KIF3A: variants seen among roughly 807,000 people sequenced by gnomAD.
The protein encoded by KIF3A is kinesin-like protein KIF3A.
In KIF3A, 27 loss-of-function variants were observed where a neutral mutation model predicts 92.6. The ratio of observed to expected loss-of-function variants is 0.29; its 90% CI spans 0.21 to 0.40. KIF3A has a LOEUF of 0.40. Among genes scored for constraint, KIF3A ranks in the 10% least tolerant of loss-of-function variants. The pLI, the probability that KIF3A is intolerant of heterozygous loss-of-function variation, is 1.00. For synonymous variants in KIF3A, 250 were observed against 275.4 expected (o/e 0.91, Z 0.92); for missense variants, 581 against 872.6 (o/e 0.67, Z 4.21).
downstream of KIF3A, among the ~76,000 whole-genome samples, chr5:132,690,821 G>A (rs1486693507): frequency 6.8e-6 from 1 of 147,492 alleles, no homozygotes; most frequent in Non-Finnish European, 1.5e-5. Context: ...CAGCTACTCG[G>A]GAGGCTGAGG....
At chr5:132,699,086 CTAAA>C (rs901005037) in intron 18 of KIF3A, 81 bp downstream of exon 18, 17 of 1,324,742 alleles carry the variant, frequency 1.3e-5, no homozygotes, top group Admixed American at 7.8e-5. Context: ...CATGTTTTAA[CTAAA>C]TAAATTTTAA....
At chr5:132,700,465 C>T (rs773095775) in intron 16 of KIF3A, 181 bp from the exon 17 acceptor site, 1 of 649,954 alleles carries the variant, frequency 1.5e-6, no homozygotes, top group Non-Finnish European at 2.7e-6. Flanking sequence ...CATTTCCACC[C>T]AGACCATGAT....
intron 5 of KIF3A, among the ~76,000 whole-genome samples, chr5:132,718,827 C>T (rs1753729445): frequency 6.6e-6 from 1 of 152,060 alleles, no homozygotes; most frequent in Admixed American, 6.6e-5. Context: ...TGGGGTTTCG[C>T]CATGTTGCAC....
intron 5 of KIF3A, among the ~76,000 whole-genome samples, chr5:132,717,504 G>A (rs1753666653): frequency 6.6e-6 from 1 of 151,794 alleles, no homozygotes; most frequent in South Asian, 2.1e-4. Context: ...ACATATGTTA[G>A]ACAATACAAC....
At chr5:132,716,137 A>G (rs1753613319) in intron 7 of KIF3A, 108 bp downstream of exon 7, 4 of 1,039,856 alleles carry the variant, frequency 3.8e-6, no homozygotes, top group South Asian at 1.6e-5. Flanking sequence ...CCACAAGTCA[A>G]AAAAAGTAAA....
chr5:132,734,552 T>C, intron 1 of KIF3A, 74 bp from the exon 2 acceptor site: 2 of 1,369,436 alleles, frequency 1.5e-6, no homozygotes, highest in Admixed American at 5.1e-5. Context: ...TTTATAAACT[T>C]TAAAAGGCTA....
chr5:132,699,310 C>T lies in KIF3A; in HGVS notation c.2008-15G>A, dbSNP rs952886437. ...ACCTCAAAGGGCTAAGTAAAAGAAA[C>T]AAACACAAAGCACTCTTAAGGCAAA... On this transcript the variant is annotated splice_polypyrimidine_tract_variant and intron_variant, in intron 17 of 18. Coordinates refer to ENST00000403231, the MANE Select transcript of KIF3A (RefSeq NM_001300791.2). The T allele has an allele frequency of 6.2e-7, 1 of 1,611,432 alleles. No individual in the cohort carries two copies. Among genetic ancestry groups the T allele is most frequent in the Non-Finnish European group, 8.5e-7 (1 of 1,178,960 alleles).
chr5:132,699,591 C>G (rs1297930648), intron 17 of KIF3A: 1 of 456,708 alleles, frequency 2.2e-6, no homozygotes, highest in African/African-American at 2.0e-5. Flanking sequence ...CGGAGTCTCA[C>G]TCTGTCGCCC....
At chr5:132,700,408 A>C (rs1427934349) in intron 16 of KIF3A, 124 bp from the exon 17 acceptor site, 2 of 707,276 alleles carry the variant, frequency 2.8e-6, no homozygotes, top group Non-Finnish European at 4.9e-6. Context: ...GCTAGAGCAG[A>C]AAGGGCCCCA....
rs1316514830 is a variant in KIF3A at position 132,695,861 on chromosome 5, A to G, written c.*773T>C. 6.6e-6 allele frequency: 1 copy of G among 152,294 alleles called. No homozygotes were observed. The highest frequency in any genetic ancestry group is 1.5e-5 in the Non-Finnish European group (1 of 68,018). The allele number at this position is 152,294 out of a possible 1,614,324, so 9.4% of individuals were successfully genotyped here. A position where few individuals can be genotyped will look rare whatever the true frequency, so the allele number is the denominator to read the frequency against. On this transcript the variant is annotated 3_prime_UTR_variant, in exon 19 of 19. Coordinates refer to ENST00000403231, the MANE Select transcript of KIF3A (RefSeq NM_001300791.2). Reference sequence around the variant, plus strand: ...ATATACACGCAGGCAAAGATAACTGAGCAGTATTTAGCTTCTTAATTTTCC... The same window carrying G: ...ATATACACGCAGGCAAAGATAACTGGGCAGTATTTAGCTTCTTAATTTTCC...
chr5:132,701,476 G>A (rs1466924987), intron 15 of KIF3A, among the ~76,000 whole-genome samples: 6 of 133,352 alleles, frequency 4.5e-5, no homozygotes, highest in South Asian at 4.6e-4. Flanking sequence ...TCCAGCCTGG[G>A]CAACAAAGTG....
chr5:132,708,558 G>A (rs1016898885), intron 10 of KIF3A, among the ~76,000 whole-genome samples: 21 of 152,224 alleles, frequency 1.4e-4, no homozygotes, highest in African/African-American at 4.6e-4. Flanking sequence ...TTGATGTTAC[G>A]TGTCCCTTAT....
chr5:132,715,828 T>G lies in KIF3A; in HGVS notation c.1058A>C (p.Glu353Ala). 1 of 1,612,024 alleles carries G rather than the reference T, an allele frequency of 6.2e-7. No homozygotes were observed. Among genetic ancestry groups the G allele is most frequent in the South Asian group, 1.1e-5 (1 of 90,870 alleles). ...ACGCAGCAAAGCATCCTTTGGATCT[T>G]CATTAATTCTAGCTTTATTTTTAAT... ...KNIKNKARIN[E>A]DPKDALLRQF... Residue 353 changes from glutamate to alanine, a missense_variant, in exon 8 of 19, where the codon GAA becomes GCA. Physicochemically the swap from Glu to Ala is moderately radical, Grantham distance 107. Coordinates refer to ENST00000403231, the MANE Select transcript of KIF3A (RefSeq NM_001300791.2).
chr5:132,708,944 A>T lies in KIF3A; in HGVS notation c.1263T>A (p.Cys421Ter), dbSNP rs533060606. ...SSSSSSSDST[C>*]SVIEKPLDKF... ...TATCCAGAGGTTTCTCTATGACAGAACATGTGGAGTCTGAACTACTGCTGC... is the reference window on the plus strand; with the variant it reads ...TATCCAGAGGTTTCTCTATGACAGATCATGTGGAGTCTGAACTACTGCTGC... Residue 421 changes from cysteine to a stop codon, truncating the protein, a stop_gained, in exon 10 of 19, where the codon TGT (cysteine) becomes TGA (stop). Coordinates refer to ENST00000403231, the MANE Select transcript of KIF3A (RefSeq NM_001300791.2). LOFTEE classifies it high-confidence loss of function. The T allele has an allele frequency of 6.5e-7, 1 of 1,550,266 alleles. No homozygotes were observed. Among genetic ancestry groups the T allele is most frequent in the Non-Finnish European group, 8.7e-7 (1 of 1,146,854 alleles).
chr5:132,735,374 C>G (rs1307175607), intron 1 of KIF3A, among the ~76,000 whole-genome samples: 1 of 152,196 alleles, frequency 6.6e-6, no homozygotes, highest in African/African-American at 2.4e-5. Flanking sequence ...CGCACCCCGT[C>G]ATTTCTGAAA....
intron 16 of KIF3A, 55 bp from the exon 17 acceptor site, chr5:132,700,339 G>C (rs1752989947): frequency 1.6e-5 from 16 of 1,031,844 alleles, no homozygotes; most frequent in Non-Finnish European, 2.3e-5. Context: ...AATCAATACT[G>C]TGAGTTAGGC....
rs1409846889 is a variant in KIF3A, at chr5:132,694,886, C to T, written c.*1748G>A. On this transcript the variant is annotated 3_prime_UTR_variant, in exon 19 of 19. Coordinates refer to ENST00000403231, the MANE Select transcript of KIF3A (RefSeq NM_001300791.2). ...CTAATCACCTAGAAAATGTTCACCA[C>T]ACACAGGACATTCAGTATTCCAATT... The T allele has an allele frequency of 6.6e-6, 1 of 152,300 alleles. No individual in the cohort carries two copies. The highest frequency in any genetic ancestry group is 1.5e-5 in the Non-Finnish European group (1 of 68,030). 9.4% of individuals were successfully genotyped at this position (152,300 alleles called of 1,614,324 possible).
chr5:132,696,461 A>G lies in KIF3A; in HGVS notation c.*173T>C, dbSNP rs889710223. ...ACCAGTTGTACAATTTTAATGTTATATTAATATATGTAGACTAAAAGTTCT... is the reference window on the plus strand; with the variant it reads ...ACCAGTTGTACAATTTTAATGTTATGTTAATATATGTAGACTAAAAGTTCT... On this transcript the variant is annotated 3_prime_UTR_variant, in exon 19 of 19. Coordinates refer to ENST00000403231, the MANE Select transcript of KIF3A (RefSeq NM_001300791.2). 3.6e-6 allele frequency: 2 copies of G among 557,314 alleles called. No individual in the cohort carries two copies. The highest frequency in any genetic ancestry group is 2.5e-5 in the South Asian group (1 of 40,130). The allele number at this position is 557,314 out of a possible 1,614,324, so 34.5% of individuals were successfully genotyped here. A position where few individuals can be genotyped will look rare whatever the true frequency, so the allele number is the denominator to read the frequency against.
At chr5:132,688,928 TG>T (rs1346417452), downstream of KIF3A, among the ~76,000 whole-genome samples, 7 of 152,014 alleles carry the variant, frequency 4.6e-5, no homozygotes, top group Non-Finnish European at 7.4e-5. Flanking sequence ...TAAAAAGGGA[TG>T]GGGGAGGGGA....
Sources: gnomAD v4.1 joint callset for allele counts (sites outside exome capture counted in the v4.1 genomes callset) on GRCh38, gnomAD v4.1.1 for gene constraint, MANE v1.5 for transcripts, NCBI Gene and HGNC (gene_info 2026-07-23, HGNC 2026-07-21) for gene names.